The following CAMTA2 variants were observed in gnomAD, a reference collection of about 807,000 sequenced individuals.
CAMTA2 encodes calmodulin binding transcription activator 2, also known as calmodulin-binding transcription activator 2.
A neutral mutation model predicts 135.7 loss-of-function variants in CAMTA2; 56 were observed. That is an observed-to-expected ratio of 0.41 (90% CI 0.33 to 0.52). The LOEUF (loss-of-function observed/expected upper bound fraction) is 0.52. Among genes scored for constraint, CAMTA2 ranks in the 20% least tolerant of loss-of-function variants. The pLI is 0.16. For missense variants in CAMTA2, 1,358 were observed against 1,553.4 expected (o/e 0.87, Z 2.11); for synonymous variants, 591 against 604.6 (o/e 0.98, Z 0.33).
chr17:4,970,687 A>T, intron 16 of CAMTA2, 151 bp from the exon 17 acceptor site: 1 of 648,432 alleles, frequency 1.5e-6, no homozygotes. Context: ...ATTTATACTG[A>T]TGGGGCTCCC....
In CAMTA2 at chr17:4,977,088, T is replaced by G; in HGVS notation, c.1870A>C (p.Ser624Arg). 6.2e-7 allele frequency: 1 copy of G among 1,614,100 alleles called. No individual in the cohort carries two copies. Among genetic ancestry groups the G allele is most frequent in the South Asian group, 1.1e-5 (1 of 91,072 alleles). The change falls in exon 11 of 23, where the codon AGT (serine) becomes CGT (arginine). Residue 624 changes from serine (S) to arginine (R), a missense_variant. Around this residue, in one of 4 missense-constraint regions of CAMTA2, gnomAD observed 1,077 missense variants for 1,127.5 expected, o/e 0.96. Coordinates refer to ENST00000348066, the MANE Select transcript of CAMTA2 (RefSeq NM_015099.4). Reference sequence around the variant, plus strand: ...AGTGACAGCCAGTCAAGTTGAGTACTAGGCAGAGACAGGAATCGGCGGGCT... The same window carrying G: ...AGTGACAGCCAGTCAAGTTGAGTACGAGGCAGAGACAGGAATCGGCGGGCT... ...YRARRFLSLP[S>R]TQLDWLSLDD...
intron 3 of CAMTA2, 77 bp downstream of exon 3, chr17:4,985,803 A>T (rs984113408): frequency 4.6e-6 from 4 of 876,612 alleles, no homozygotes; most frequent in African/African-American, 1.6e-5. Flanking sequence ...GTTGACAGAC[A>T]CGGAAAGACC....
chr17:4,973,266 G>A lies in CAMTA2; in HGVS notation c.2202-13C>T. 1 of 1,608,850 alleles carries A rather than the reference G, an allele frequency of 6.2e-7. No individual in the cohort carries two copies. Among genetic ancestry groups the A allele is most frequent in the African/African-American group, 1.3e-5 (1 of 74,910 alleles). On this transcript the variant is annotated splice_polypyrimidine_tract_variant and intron_variant, in intron 13 of 22. Transcript: ENST00000348066. ...AGTCTCCACACTCCTGGAGGGTTTG[G>A]GAGAGAGACAGCAGAGCCCAATGAG...
intron 3 of CAMTA2, chr17:4,983,257 A>G: frequency 2.0e-6 from 1 of 506,000 alleles, no homozygotes; most frequent in East Asian, 3.4e-5. Context: ...GAATTATTTT[A>G]CTCTCCAAAA....
rs1359214431 is a variant in CAMTA2, at chr17:4,969,343, G to A, written c.3283-6C>T. 5 of 1,613,554 alleles carry A rather than the reference G, an allele frequency of 3.1e-6. No homozygotes were observed. In the African/African-American group the frequency reaches 6.7e-5, roughly 22 times the overall value. Reference sequence around the variant, plus strand: ...ATCTTCTTATAGAGTGCAAACTGCAGGGGTGGGGAGGAGGGACAGGGGCTG... The same window carrying A: ...ATCTTCTTATAGAGTGCAAACTGCAAGGGTGGGGAGGAGGGACAGGGGCTG... On this transcript the variant is annotated splice_polypyrimidine_tract_variant and splice_region_variant and intron_variant, in intron 20 of 22. Transcript: ENST00000348066. This position sits in a 1 kb window ranked among gnomAD's most constrained non-coding sequence, Gnocchi z 5.6.
intron 8 of CAMTA2, 142 bp downstream of exon 8, chr17:4,981,083 G>T: frequency 9.5e-7 from 1 of 1,056,750 alleles, no homozygotes. Flanking sequence ...GGGAACGTCT[G>T]TTCATCTGGC....
chr17:4,986,914 CA>C (rs1973371718), intron 1 of CAMTA2: 1 of 1,488,672 alleles, frequency 6.7e-7, no homozygotes, highest in Admixed American at 2.0e-5. Context: ...TCCCTCTCCC[CA>C]AACGCCTCTG....
In CAMTA2 at chr17:4,969,245, G is replaced by C. The variant is rs779369946; in HGVS notation, c.3375C>G (p.Arg1125=). The part of the protein sequence containing the change: ...YYEQKRFQQS[R]RAAVLIQQHY... Reference sequence around the variant, plus strand: ...GCTGCTGGATGAGCACAGCCGCTCGGCGGCTCTGCTGAAATCGCTTCTGTT... The same window carrying C: ...GCTGCTGGATGAGCACAGCCGCTCGCCGGCTCTGCTGAAATCGCTTCTGTT... The change falls in exon 21 of 23, where the codon CGC becomes CGG. Residue 1125 remains arginine, a synonymous_variant. Coordinates refer to ENST00000348066, the MANE Select transcript of CAMTA2 (RefSeq NM_015099.4). This position sits in a 1 kb window ranked among gnomAD's most constrained non-coding sequence, Gnocchi z 5.6. 15 of 1,613,772 alleles carry C rather than the reference G, an allele frequency of 9.3e-6. No homozygotes were observed. The highest frequency in any genetic ancestry group is 3.3e-4 in the Middle Eastern group (2 of 6,084).
At chr17:4,976,958 G>A in intron 11 of CAMTA2, 100 bp downstream of exon 11, 2 of 1,164,922 alleles carry the variant, frequency 1.7e-6, no homozygotes. Context: ...TGGTAAAGTG[G>A]GGGCTCAGTG....
At position 4,977,314 on chromosome 17, in the gene CAMTA2, G is replaced by A. The variant is rs1334150324; in HGVS notation, c.1766-122C>T. On this transcript the variant is annotated intron_variant, in intron 10 of 22. Transcript: ENST00000348066. ...CCTACTGCCCTGCTGTGGGCCAAGA[G>A]GCCCCTGGCTTCAGTGGCCTTGGCA... is the stretch of plus-strand genomic sequence containing the variant. The A allele has an allele frequency of 2.4e-5, 31 of 1,287,848 alleles. 1 individual carries two copies. Among genetic ancestry groups the A allele is most frequent in the South Asian group, 1.6e-4 (11 of 67,700 alleles). 79.8% of individuals were successfully genotyped at this position (1,287,848 alleles called of 1,614,324 possible). A position where few individuals can be genotyped will look rare whatever the true frequency, so the allele number is the denominator to read the frequency against.
Position 4,984,081 on chromosome 17 carries a change from G to A in CAMTA2, c.136-1038C>T, listed in dbSNP as rs1453546757. Among the ~76,000 whole-genome samples, 4 of 152,140 alleles carry A rather than the reference G, an allele frequency of 2.6e-5. 1 individual carries two copies. The highest frequency in any genetic ancestry group is 4.1e-4 in the South Asian group (2 of 4,824). ...TTCTCCTGCCTCAGCCTCCTGAGTA[G>A]CTGGGACTACAGGCGCCCACGACCA... On this transcript the variant is annotated intron_variant, in intron 3 of 22. Transcript: ENST00000348066.
At position 4,968,087 on chromosome 17, in the gene CAMTA2, G is replaced by C; in HGVS notation, c.*669C>G. The C allele has an allele frequency of 2.0e-6, 1 of 501,290 alleles. No homozygotes were observed. The highest frequency in any genetic ancestry group is 3.6e-6 in the Non-Finnish European group (1 of 279,276). The allele number at this position is 501,290 out of a possible 1,614,324, so 31.1% of individuals were successfully genotyped here. On this transcript the variant is annotated 3_prime_UTR_variant, in exon 23 of 23. Coordinates refer to ENST00000348066, the MANE Select transcript of CAMTA2 (RefSeq NM_015099.4). Reference sequence around the variant, plus strand: ...GGAGCCGGCAGGAGGCCCCCGCCGCGCTAGAGAACCACAAGCCCGGCCGTG... The same window carrying C: ...GGAGCCGGCAGGAGGCCCCCGCCGCCCTAGAGAACCACAAGCCCGGCCGTG...
chr17:4,979,635 T>A, intron 9 of CAMTA2, 49 bp downstream of exon 9: 1 of 1,347,974 alleles, frequency 7.4e-7, no homozygotes, highest in Admixed American at 1.9e-5. Flanking sequence ...TTTTGGGGAG[T>A]CAGAAGACAA....
rs1972961154 is a variant in CAMTA2 at position 4,981,566 on chromosome 17, C to T, written c.565+112G>A. The T allele has an allele frequency of 2.2e-6, 3 of 1,343,452 alleles. No individual in the cohort carries two copies. In the East Asian group the frequency reaches 7.0e-5, roughly 31 times the overall value. 83.2% of individuals were successfully genotyped at this position (1,343,452 alleles called of 1,614,324 possible). On this transcript the variant is annotated intron_variant, in intron 7 of 22. Transcript: ENST00000348066. ...CACACCGGGAATCCTAGCACCCTCC[C>T]AGCTTGGAGGGAGATGATCAGCCCT...
At chr17:4,987,299 G>C in intron 1 of CAMTA2, 1 of 1,344,508 alleles carries the variant, frequency 7.4e-7, no homozygotes. Context: ...CGCCCGCATA[G>C]AGGGATGTTC....
Position 4,968,713 on chromosome 17 carries a change from T to C in CAMTA2, c.*43A>G, listed in dbSNP as rs1252778709. On this transcript the variant is annotated 3_prime_UTR_variant, in exon 23 of 23. Transcript: ENST00000348066. ...CAGAAAGCCCTCTCCCTGTTAAGAC[T>C]GCACGAGGCGCCCCCAGGGTGGTGA... The C allele has an allele frequency of 6.2e-7, 1 of 1,612,786 alleles. No individual in the cohort carries two copies. Among genetic ancestry groups the C allele is most frequent in the Admixed American group, 1.7e-5 (1 of 60,024 alleles).
At chr17:4,979,645 A>G in intron 9 of CAMTA2, 39 bp downstream of exon 9, 3 of 1,441,566 alleles carry the variant, frequency 2.1e-6, no homozygotes, top group Middle Eastern at 1.8e-4. Flanking sequence ...TCAGAAGACA[A>G]ATAGGAGGGA....
intron 16 of CAMTA2, 74 bp from the exon 17 acceptor site, chr17:4,970,610 T>C (rs1034355133): frequency 2.2e-5 from 27 of 1,250,042 alleles, no homozygotes; most frequent in Non-Finnish European, 3.0e-5. Flanking sequence ...CATTCCTATC[T>C]TGTTCCTTCT....
Position 4,981,257 on chromosome 17 carries a change from C to T in CAMTA2, c.668G>A (p.Arg223Gln). The change falls in exon 8 of 23, where the codon CGA becomes CAA. Residue 223 changes from arginine to glutamine, a missense_variant. This residue lies in a region of CAMTA2 where 1,077 missense variants were observed against 1,127.5 expected (regional missense o/e 0.96). Transcript: ENST00000348066. ...CCCACTGCAGAGACAGGCGTGGGTT[C>T]GGGGAGCAGGCTTGGTTGGGTGGGT... ...LDTHPTKPAP[R>Q]THACLCSGGL... The T allele has an allele frequency of 3.7e-6, 6 of 1,614,016 alleles. No individual in the cohort carries two copies. The highest frequency in any genetic ancestry group is 1.1e-5 in the South Asian group (1 of 91,078).
Sources: allele counts gnomAD v4.1 joint callset (sites outside exome capture counted in the v4.1 genomes callset), GRCh38; gene constraint gnomAD v4.1.1; regional missense constraint gnomAD v4.1.1; non-coding constraint Gnocchi (gnomAD v3.1); transcripts MANE v1.5; gene names NCBI Gene and HGNC (gene_info 2026-07-23, HGNC 2026-07-21).